Variants in RPH3A observed in about 807,000 individuals in gnomAD.
The protein encoded by RPH3A is rabphilin-3A.
In RPH3A, 48 loss-of-function variants were observed where a neutral mutation model predicts 102.2. That is an observed-to-expected ratio of 0.47 (90% CI 0.37 to 0.60). The LOEUF (loss-of-function observed/expected upper bound fraction) is 0.60. Ranked by LOEUF, RPH3A falls within the 20% of genes least tolerant of loss-of-function variation. The probability of loss-of-function intolerance (pLI) is 0.00; values close to 1 mark genes in which losing one functional copy is unlikely to be tolerated. For synonymous variants in RPH3A, 310 were observed against 324.3 expected (o/e 0.96, Z 0.47); for missense variants, 781 against 910.1 (o/e 0.86, Z 1.83).
intron 1 of RPH3A, among the ~76,000 whole-genome samples, chr12:112,784,913 G>C (rs1262577241): frequency 1.3e-5 from 2 of 152,204 alleles, no homozygotes; most frequent in African/African-American, 2.4e-5. Flanking sequence ...GGCTTAACTG[G>C]GAAGCTGGCC....
chr12:112,717,009 G>A (rs1342554929), intron 1 of RPH3A, among the ~76,000 whole-genome samples: 1 of 152,166 alleles, frequency 6.6e-6, no homozygotes, highest in Non-Finnish European at 1.5e-5. Flanking sequence ...GACTTACTAT[G>A]TTGGAAGGCA....
chr12:112,838,046 G>A (rs183849122), intron 4 of RPH3A, among the ~76,000 whole-genome samples: 8 of 152,262 alleles, frequency 5.3e-5, no homozygotes, highest in Non-Finnish European at 1.2e-4. Context: ...TAAAGGGCCA[G>A]TCACCAACAA....
intron 14 of RPH3A, among the ~76,000 whole-genome samples, chr12:112,880,274 A>G (rs1283938621): frequency 1.3e-5 from 2 of 152,188 alleles, no homozygotes; most frequent in Non-Finnish European, 2.9e-5. Context: ...ATTGGGCACC[A>G]AGTATGTATC....
At chr12:112,603,466 T>C (rs1464100924) in intron 1 of RPH3A, among the ~76,000 whole-genome samples, 2 of 152,080 alleles carry the variant, frequency 1.3e-5, no homozygotes, top group Non-Finnish European at 2.9e-5. Context: ...AGTAGGGCGT[T>C]CCTGAAAGTA....
At chr12:112,837,816 T>A (rs1028552362) in intron 4 of RPH3A, 2 of 455,792 alleles carry the variant, frequency 4.4e-6, no homozygotes, top group Non-Finnish European at 8.8e-6. Context: ...AAAGGTAGCA[T>A]GTTCATCCTC....
intron 1 of RPH3A, among the ~76,000 whole-genome samples, chr12:112,599,002 A>G (rs966437367): frequency 3.3e-5 from 5 of 152,142 alleles, no homozygotes; most frequent in Non-Finnish European, 1.5e-5. Flanking sequence ...TTCCCCTCAG[A>G]TATCTTAGAC....
chr12:112,865,613 G>A, intron 6 of RPH3A, 70 bp downstream of exon 6: 1 of 1,530,030 alleles, frequency 6.5e-7, no homozygotes, highest in Non-Finnish European at 8.8e-7. Context: ...GGCTCCAGCT[G>A]TAGGGGTCAC....
chr12:112,894,276 T>G (rs2043144842), intron 19 of RPH3A: 1 of 419,016 alleles, frequency 2.4e-6, no homozygotes, highest in African/African-American at 2.1e-5. Context: ...AACATCTGGA[T>G]TCAATCCCAG....
intron 1 of RPH3A, among the ~76,000 whole-genome samples, chr12:112,785,963 C>A (rs942964816): frequency 1.3e-5 from 2 of 151,750 alleles, no homozygotes; most frequent in Admixed American, 6.6e-5. Context: ...TTAGAGTATA[C>A]GAAACTCATT....
Position 112,774,827 on chromosome 12 carries a change from ATAG to A in RPH3A, c.-139-17312_-139-17310del, listed in dbSNP as rs533182736. On this transcript the variant is annotated intron_variant, in intron 1 of 21. Transcript: ENST00000543106. ...AGTAGGAAAAATAGCAGTAGGAAAA[ATAG>A]TAGGAAAAATAGGAAAAATTGCATG... 6.0e-3 allele frequency among the ~76,000 whole-genome samples: 902 copies of A among 151,482 alleles called. 13 individuals are homozygous for A. The highest frequency in any genetic ancestry group is 0.016 in the African/African-American group (667 of 40,864).
chr12:112,799,714 G>A (rs997681553), intron 2 of RPH3A, among the ~76,000 whole-genome samples: 1 of 152,136 alleles, frequency 6.6e-6, no homozygotes, highest in Admixed American at 6.5e-5. Flanking sequence ...TGACAAGACT[G>A]ATCACCCAGC....
intron 1 of RPH3A, among the ~76,000 whole-genome samples, chr12:112,719,345 C>A (rs2040536475): frequency 6.6e-6 from 1 of 152,148 alleles, no homozygotes; most frequent in East Asian, 1.9e-4. Context: ...AGAGATTAAT[C>A]CTGCAAGGAA....
intron 1 of RPH3A, among the ~76,000 whole-genome samples, chr12:112,721,471 G>T (rs150091003): frequency 7.9e-4 from 121 of 152,276 alleles, no homozygotes; most frequent in Non-Finnish European, 1.5e-3. Flanking sequence ...TGGAGGGCCA[G>T]ATTGTGAATA....
chr12:112,667,735 C>T (rs1162488170), intron 1 of RPH3A, among the ~76,000 whole-genome samples: 2 of 141,948 alleles, frequency 1.4e-5, no homozygotes, highest in African/African-American at 2.7e-5. Context: ...TACTGGAACA[C>T]AGAAGGAGAG....
intron 1 of RPH3A, among the ~76,000 whole-genome samples, chr12:112,643,754 G>T (rs756851600): frequency 9.2e-5 from 14 of 152,216 alleles, no homozygotes; most frequent in Non-Finnish European, 1.8e-4. Flanking sequence ...GGGGAAGAAA[G>T]TCAACAGATA....
At chr12:112,710,338 C>T (rs909975869) in intron 1 of RPH3A, among the ~76,000 whole-genome samples, 15 of 152,148 alleles carry the variant, frequency 9.9e-5, no homozygotes, top group Admixed American at 7.9e-4. Flanking sequence ...CCCCGTTCTT[C>T]CTGGGCAAAC....
At chr12:112,684,598 A>G (rs1162565042) in intron 1 of RPH3A, among the ~76,000 whole-genome samples, 2 of 152,172 alleles carry the variant, frequency 1.3e-5, no homozygotes, top group African/African-American at 4.8e-5. Flanking sequence ...ATCTTCATTA[A>G]TTCTGCAAAA....
chr12:112,599,851 C>T (rs2039546130), intron 1 of RPH3A, among the ~76,000 whole-genome samples: 2 of 152,102 alleles, frequency 1.3e-5, no homozygotes, highest in South Asian at 2.1e-4. Flanking sequence ...CGATTTTGCC[C>T]CCTGCATAGT....
At chr12:112,602,510 T>C (rs747250859) in intron 1 of RPH3A, among the ~76,000 whole-genome samples, 66 of 152,176 alleles carry the variant, frequency 4.3e-4, no homozygotes, top group Non-Finnish European at 6.0e-4. Context: ...AGTGTTCTCA[T>C]CACTGCAGAA....
Sources: gnomAD v4.1 joint callset for allele counts (sites outside exome capture counted in the v4.1 genomes callset) on GRCh38, gnomAD v4.1.1 for gene constraint, MANE v1.5 for transcripts, NCBI Gene and HGNC (gene_info 2026-07-23, HGNC 2026-07-21) for gene names.